The following FAM135B variants were observed in gnomAD, a reference collection of about 807,000 sequenced individuals.
FAM135B encodes protein FAM135B.
A neutral mutation model predicts 127.7 loss-of-function variants in FAM135B; 43 were observed. The observed-to-expected ratio is 0.34, with a 90% CI of 0.26 to 0.43. The LOEUF (loss-of-function observed/expected upper bound fraction) is 0.43. Among genes scored for constraint, FAM135B ranks in the 20% least tolerant of loss-of-function variants. FAM135B has a pLI of 1.00. For missense variants in FAM135B, 1,558 were observed against 1,725.6 expected, an observed-to-expected ratio of 0.90 and a Z score of 1.72; for synonymous variants, 670 against 665.1, an observed-to-expected ratio of 1.01 and a Z score of -0.11.
chr8:138,472,981 C>T (rs1166370907), intron 1 of FAM135B, among the ~76,000 whole-genome samples: 2 of 152,056 alleles, frequency 1.3e-5, no homozygotes, highest in African/African-American at 2.4e-5. Flanking sequence ...TGATAGGGCA[C>T]GTGGATATTG....
intron 1 of FAM135B, among the ~76,000 whole-genome samples, chr8:138,419,353 T>TA (rs1208131949): frequency 6.6e-6 from 1 of 151,946 alleles, no homozygotes; most frequent in Non-Finnish European, 1.5e-5. Context: ...ACCAGACTCA[T>TA]AAAAAAAGTT....
At chr8:138,427,148 G>C (rs1343149877) in intron 1 of FAM135B, among the ~76,000 whole-genome samples, 1 of 151,746 alleles carries the variant, frequency 6.6e-6, no homozygotes, top group East Asian at 1.9e-4. Flanking sequence ...TTTGGTAGTG[G>C]GGAAGAGGGA....
chr8:138,148,755 T>G, intron 13 of FAM135B, 69 bp from the exon 14 acceptor site: 1 of 1,279,932 alleles, frequency 7.8e-7, no homozygotes, highest in Admixed American at 2.2e-5. Context: ...TGAGCTGGGC[T>G]GGTATGTAGA....
intron 6 of FAM135B, among the ~76,000 whole-genome samples, chr8:138,245,669 G>C (rs768767988): frequency 1.3e-5 from 2 of 152,142 alleles, no homozygotes; most frequent in African/African-American, 2.4e-5. Flanking sequence ...CATAAGAATG[G>C]ACTAATACAG....
At chr8:138,390,478 CCT>C (rs1355403330) in intron 1 of FAM135B, among the ~76,000 whole-genome samples, 1 of 152,166 alleles carries the variant, frequency 6.6e-6, no homozygotes, top group Non-Finnish European at 1.5e-5. Flanking sequence ...GTCCATCACA[CCT>C]CTTTTTCTTT....
intron 1 of FAM135B, among the ~76,000 whole-genome samples, chr8:138,373,194 G>T (rs1831253581): frequency 6.6e-6 from 1 of 152,180 alleles, no homozygotes; most frequent in Non-Finnish European, 1.5e-5. Flanking sequence ...GTTGTGGGAA[G>T]TCAGGGACCC....
At chr8:138,259,482 C>T (rs533144968) in intron 4 of FAM135B, among the ~76,000 whole-genome samples, 11 of 152,226 alleles carry the variant, frequency 7.2e-5, no homozygotes, top group South Asian at 2.1e-4. Flanking sequence ...AATTTAAAAA[C>T]GTACACAAAG....
chr8:138,374,918 G>T (rs1184770751), intron 1 of FAM135B, among the ~76,000 whole-genome samples: 1 of 152,054 alleles, frequency 6.6e-6, no homozygotes, highest in Non-Finnish European at 1.5e-5. Flanking sequence ...ACCACACTCT[G>T]GGTAAACCAG....
At chr8:138,486,330 T>C (rs1325777889) in intron 1 of FAM135B, among the ~76,000 whole-genome samples, 1 of 152,034 alleles carries the variant, frequency 6.6e-6, no homozygotes, top group Non-Finnish European at 1.5e-5. Flanking sequence ...CTGAATGATA[T>C]GAGTCCCAAA....
chr8:138,492,907 A>C (rs1379571335), intron 1 of FAM135B, among the ~76,000 whole-genome samples: 1 of 152,082 alleles, frequency 6.6e-6, no homozygotes, highest in Non-Finnish European at 1.5e-5. Context: ...CTACATATTA[A>C]GCTCTTGAAA....
rs202206626 is a variant in FAM135B at position 138,215,612 on chromosome 8, C to T, written c.670-17943G>A. On this transcript the variant is annotated intron_variant, in intron 7 of 19. Coordinates refer to ENST00000395297, the MANE Select transcript of FAM135B (RefSeq NM_015912.4). ...GACAGAAGTTAGCAAGTTGCAGAGGCGTTATCAGAAATATTAAATGAAACA... is the reference window on the plus strand; with the variant it reads ...GACAGAAGTTAGCAAGTTGCAGAGGTGTTATCAGAAATATTAAATGAAACA... Among the ~76,000 whole-genome samples, 6 of 152,250 alleles carry T rather than the reference C, an allele frequency of 3.9e-5. No individual in the cohort carries two copies. In the East Asian group the frequency reaches 7.7e-4, roughly 20 times the overall value.
At chr8:138,160,558 T>TTC (rs1819276008) in intron 12 of FAM135B, among the ~76,000 whole-genome samples, 1 of 150,544 alleles carries the variant, frequency 6.6e-6, no homozygotes, top group South Asian at 2.1e-4. Flanking sequence ...CCAGCTCATT[T>TTC]TTTTTTTTTT....
At position 138,389,310 on chromosome 8, in the gene FAM135B, T is replaced by C. The variant is rs1344150502; in HGVS notation, c.-19-21308A>G. ...CCAGCAATCCCATTCTGGGTATGTA[T>C]ACACAAGAGAAGTGAAACCATTGTT... On this transcript the variant is annotated intron_variant, in intron 1 of 19. Coordinates refer to ENST00000395297, the MANE Select transcript of FAM135B (RefSeq NM_015912.4). Among the ~76,000 whole-genome samples the C allele has an allele frequency of 2.6e-5, 4 of 152,182 alleles. No individual in the cohort carries two copies. In the South Asian group the frequency reaches 6.2e-4, roughly 24 times the overall value.
chr8:138,457,448 C>T (rs1298284707), intron 1 of FAM135B, among the ~76,000 whole-genome samples: 4 of 152,120 alleles, frequency 2.6e-5, no homozygotes, highest in African/African-American at 7.2e-5. Flanking sequence ...ATCCCAAGCC[C>T]TCCCTGAGGC....
intron 4 of FAM135B, among the ~76,000 whole-genome samples, chr8:138,259,552 C>A (rs1822382458): frequency 6.6e-6 from 1 of 152,182 alleles, no homozygotes; most frequent in South Asian, 2.1e-4. Context: ...TTATTGCTGT[C>A]ATTTTCAACC....
At chr8:138,405,342 G>T (rs1018667388) in intron 1 of FAM135B, among the ~76,000 whole-genome samples, 2 of 150,090 alleles carry the variant, frequency 1.3e-5, no homozygotes, top group African/African-American at 2.5e-5. Flanking sequence ...TTAGCATTAG[G>T]TATATCTCCT....
At chr8:138,248,514 C>A (rs187760056) in intron 6 of FAM135B, among the ~76,000 whole-genome samples, 13 of 152,220 alleles carry the variant, frequency 8.5e-5, no homozygotes, top group Admixed American at 8.5e-4. Context: ...GGGTTAGTAT[C>A]ACATCTCATT....
intron 1 of FAM135B, among the ~76,000 whole-genome samples, chr8:138,409,151 C>A (rs769700598): frequency 2.0e-5 from 3 of 151,992 alleles, no homozygotes; most frequent in Non-Finnish European, 4.4e-5. Flanking sequence ...GAGAAACATG[C>A]GACACTTCCT....
chr8:138,208,491 T>A (rs973628736), intron 7 of FAM135B, among the ~76,000 whole-genome samples: 8 of 152,222 alleles, frequency 5.3e-5, no homozygotes, highest in Non-Finnish European at 4.4e-5. Flanking sequence ...TCAGCATTTT[T>A]AAAAAATATT....
Sources: allele counts gnomAD v4.1 joint callset (sites outside exome capture counted in the v4.1 genomes callset), GRCh38; gene constraint gnomAD v4.1.1; transcripts MANE v1.5; gene names NCBI Gene and HGNC (gene_info 2026-07-23, HGNC 2026-07-21).